The following RPS6KC1 variants were observed in gnomAD, a reference collection of about 807,000 sequenced individuals.
RPS6KC1 encodes inactive ribosomal protein S6 kinase delta-1.
RPS6KC1 carries 54 observed loss-of-function variants against 103.8 expected under a neutral mutation model. The ratio of observed to expected loss-of-function variants is 0.52; its 90% CI spans 0.42 to 0.65. The LOEUF (loss-of-function observed/expected upper bound fraction) is 0.65, where lower values mean the gene tolerates loss of function less well. Among genes scored for constraint, RPS6KC1 ranks in the 30% least tolerant of loss-of-function variants. The probability of loss-of-function intolerance (pLI) is 0.00; values close to 1 mark genes in which losing one functional copy is unlikely to be tolerated. For missense variants in RPS6KC1, 1,151 were observed against 1,253.8 expected (o/e 0.92, Z 1.24); for synonymous variants, 439 against 438.7 (o/e 1.00, Z -0.01).
chr1:213,419,513 A>AG, the RPS6KC1 span, among the ~76,000 whole-genome samples: 26 of 152,196 alleles, frequency 1.7e-4, no homozygotes, highest in Admixed American at 4.6e-4. Flanking sequence ...AGAGAGGTTA[A>AG]GTGACTGGCA....
At chr1:213,510,971 G>A in the RPS6KC1 span, among the ~76,000 whole-genome samples, 12 of 152,198 alleles carry the variant, frequency 7.9e-5, no homozygotes, top group East Asian at 9.7e-4. Flanking sequence ...CTTAGTACTC[G>A]GGGAAGGAAA....
the RPS6KC1 span, among the ~76,000 whole-genome samples, chr1:213,824,888 G>A: frequency 0.034 from 5,135 of 152,250 alleles, 278 homozygotes; most frequent in African/African-American, 0.12. Flanking sequence ...ATTGATGCCC[G>A]CCTCCTGCAA....
chr1:213,672,822 G>A, the RPS6KC1 span, among the ~76,000 whole-genome samples: 7 of 152,022 alleles, frequency 4.6e-5, no homozygotes, highest in Non-Finnish European at 8.8e-5. Flanking sequence ...TACTAAACTC[G>A]TCATCTCATC....
the RPS6KC1 span, among the ~76,000 whole-genome samples, chr1:213,808,252 G>A: frequency 0.061 from 9,262 of 152,278 alleles, 440 homozygotes; most frequent in Non-Finnish European, 0.079. Context: ...TGAGGAGGCA[G>A]TCTGCCCGTT....
chr1:213,256,475 AAAG>A (rs1438955611), intron 12 of RPS6KC1, among the ~76,000 whole-genome samples: 4 of 152,012 alleles, frequency 2.6e-5, no homozygotes, highest in Non-Finnish European at 5.9e-5. Flanking sequence ...GGCCACATTG[AAAG>A]AAGAATTGTC....
the RPS6KC1 span, among the ~76,000 whole-genome samples, chr1:213,785,810 C>A: frequency 6.6e-6 from 1 of 152,064 alleles, no homozygotes; most frequent in East Asian, 1.9e-4. Context: ...GGGTGTAACA[C>A]CTTATACTGT....
the RPS6KC1 span, among the ~76,000 whole-genome samples, chr1:213,411,253 G>A: frequency 6.6e-6 from 1 of 152,220 alleles, no homozygotes; most frequent in Admixed American, 6.5e-5. Context: ...TGAGGAAGAA[G>A]CACAAAGCAG....
At chr1:213,473,001 AC>A in the RPS6KC1 span, among the ~76,000 whole-genome samples, 3 of 152,186 alleles carry the variant, frequency 2.0e-5, no homozygotes, top group Non-Finnish European at 4.4e-5. Context: ...CTTTGGGGAC[AC>A]CTATTCCAAT....
At chr1:213,083,185 A>G (rs2080061321) in intron 3 of RPS6KC1, among the ~76,000 whole-genome samples, 1 of 152,176 alleles carries the variant, frequency 6.6e-6, no homozygotes, top group Non-Finnish European at 1.5e-5. Context: ...GTCTCCCCCA[A>G]ATTTTACTGG....
the RPS6KC1 span, among the ~76,000 whole-genome samples, chr1:213,496,148 A>C: frequency 6.6e-6 from 1 of 152,214 alleles, no homozygotes; most frequent in Admixed American, 6.5e-5. Flanking sequence ...TGTGAAATAT[A>C]TAACAAATAT....
At chr1:213,121,501 C>G (rs959435036) in intron 5 of RPS6KC1, among the ~76,000 whole-genome samples, 1 of 152,174 alleles carries the variant, frequency 6.6e-6, no homozygotes, top group South Asian at 2.1e-4. Context: ...TTGCTAACAT[C>G]TTATTTCTAT....
At chr1:213,438,557 T>C in the RPS6KC1 span, among the ~76,000 whole-genome samples, 2 of 152,192 alleles carry the variant, frequency 1.3e-5, no homozygotes, top group Admixed American at 1.3e-4. Context: ...AAGTCAGGTG[T>C]CTAATTGAGG....
In RPS6KC1 at chr1:213,077,689, T is replaced by C. The variant is rs1029727732; in HGVS notation, c.142-7T>C. 7.1e-7 allele frequency: 1 copy of C among 1,411,670 alleles called. No homozygotes were observed. Among genetic ancestry groups the C allele is most frequent in the South Asian group, 1.4e-5 (1 of 69,190 alleles). 87.4% of individuals were successfully genotyped at this position (1,411,670 alleles called of 1,614,324 possible). A position where few individuals can be genotyped will look rare whatever the true frequency, so the allele number is the denominator to read the frequency against. Reference sequence around the variant, plus strand: ...ATGAGATACATGTTTAATTTTTTTCTCTCTAGATAATTGTATGGAAGAGAT... The same window carrying C: ...ATGAGATACATGTTTAATTTTTTTCCCTCTAGATAATTGTATGGAAGAGAT... On this transcript the variant is annotated splice_region_variant and splice_polypyrimidine_tract_variant and intron_variant, in intron 2 of 14. Transcript: ENST00000366960.
the RPS6KC1 span, among the ~76,000 whole-genome samples, chr1:213,516,934 C>T: frequency 1.3e-5 from 2 of 152,150 alleles, no homozygotes; most frequent in African/African-American, 4.8e-5. Flanking sequence ...AGAGAGTCAA[C>T]TTCTTCCTGG....
At chr1:213,302,409 CG>C in the RPS6KC1 span, among the ~76,000 whole-genome samples, 15 of 152,190 alleles carry the variant, frequency 9.9e-5, no homozygotes, top group Admixed American at 4.6e-4. Flanking sequence ...CACCCATAAT[CG>C]CAACACTTTG....
At chr1:213,070,780 T>G (rs1293229809) in intron 1 of RPS6KC1, among the ~76,000 whole-genome samples, 3 of 152,216 alleles carry the variant, frequency 2.0e-5, no homozygotes, top group African/African-American at 7.2e-5. Flanking sequence ...AGGCCAAACT[T>G]AAAATATGTA....
chr1:213,473,398 G>C, the RPS6KC1 span, among the ~76,000 whole-genome samples: 1 of 152,234 alleles, frequency 6.6e-6, no homozygotes, highest in Non-Finnish European at 1.5e-5. Context: ...CAGTAGGCAT[G>C]AAGTCACTTT....
the RPS6KC1 span, among the ~76,000 whole-genome samples, chr1:213,511,216 G>C: frequency 6.6e-6 from 1 of 151,640 alleles, no homozygotes; most frequent in African/African-American, 2.4e-5. Flanking sequence ...TGGCTCACTA[G>C]CCTGACACAA....
chr1:213,859,391 C>T, the RPS6KC1 span, among the ~76,000 whole-genome samples: 2,148 of 152,296 alleles, frequency 0.014, 23 homozygotes, highest in South Asian at 0.056. Context: ...GTTCAGGCAT[C>T]TGTATCATTT....
Sources: allele counts gnomAD v4.1 joint callset (sites outside exome capture counted in the v4.1 genomes callset), GRCh38; gene constraint gnomAD v4.1.1; transcripts MANE v1.5; gene names NCBI Gene and HGNC (gene_info 2026-07-23, HGNC 2026-07-21).